Variants in HOOK3 observed in about 807,000 individuals in gnomAD.
HOOK3 encodes the protein protein Hook homolog 3.
In HOOK3, 24 loss-of-function variants were observed where a neutral mutation model predicts 116.3. The observed-to-expected ratio is 0.21, with a 90% CI of 0.15 to 0.29. The LOEUF (loss-of-function observed/expected upper bound fraction) is 0.29, where lower values mean the gene tolerates loss of function less well. Among genes scored for constraint, HOOK3 ranks in the 10% least tolerant of loss-of-function variants. The pLI is 1.00. For missense variants in HOOK3, 632 were observed against 830.2 expected (o/e 0.76, Z 2.93); for synonymous variants, 275 against 283.0 (o/e 0.97, Z 0.28).
At chr8:42,946,152 G>T (rs1463121038) in intron 5 of HOOK3, among the ~76,000 whole-genome samples, 1 of 152,154 alleles carries the variant, frequency 6.6e-6, no homozygotes, top group Non-Finnish European at 1.5e-5. Context: ...GGAACACAGT[G>T]TTAGAACAGA....
At chr8:43,003,805 C>G (rs1419986000) in intron 17 of HOOK3, among the ~76,000 whole-genome samples, 1 of 152,176 alleles carries the variant, frequency 6.6e-6, no homozygotes, top group Non-Finnish European at 1.5e-5. Flanking sequence ...ACTCCAGTCT[C>G]TTTCTCCACC....
chr8:43,013,149 A>G lies in HOOK3; in HGVS notation c.1938A>G (p.Ser646=). 1.3e-6 allele frequency: 2 copies of G among 1,599,072 alleles called. No homozygotes were observed. Among genetic ancestry groups the G allele is most frequent in the African/African-American group, 2.7e-5 (2 of 74,662 alleles). The change falls in exon 20 of 22, where the codon TCA becomes TCG. Residue 646 remains serine (S), a synonymous_variant. Coordinates refer to ENST00000307602, the MANE Select transcript of HOOK3 (RefSeq NM_032410.4). ...AGGAACGAGACCGACTGTTCCACTC[A>G]TTAGAGGTAGTTTACTATACTGTAC... is the stretch of plus-strand genomic sequence containing the variant. ...QLQERDRLFH[S]LEKEYEKTKS... is the part of the protein sequence containing the mutation.
intron 13 of HOOK3, among the ~76,000 whole-genome samples, 175 bp from the exon 14 acceptor site, chr8:42,982,452 A>G (rs1201629289): frequency 2.6e-5 from 4 of 151,178 alleles, no homozygotes; most frequent in Non-Finnish European, 5.9e-5. Context: ...ACACTTAAAA[A>G]TGCTTAAAAT....
rs907127496 is a variant in HOOK3 at position 42,943,374 on chromosome 8, C to G, written c.329C>G (p.Ser110Cys). 2 of 1,568,702 alleles carry G rather than the reference C, an allele frequency of 1.3e-6. No homozygotes were observed. Among genetic ancestry groups the G allele is most frequent in the African/African-American group, 2.7e-5 (2 of 73,818 alleles). ...GATGTGAACCTTATTGGGGAGCATT[C>G]TGATGCAGCAGAGCTTGGAAGGATG... ...LPDVNLIGEH[S>C]DAAELGRMLQ... The change falls in exon 5 of 22, where the codon TCT becomes TGT. Residue 110 changes from serine to cysteine, a missense_variant. Physicochemically the swap from Ser to Cys is moderately radical, Grantham distance 112 (BLOSUM62 -1). Transcript: ENST00000307602.
rs533767955 is a variant in HOOK3, at chr8:42,919,026, G to C, written c.144-6531G>C. 1.9e-4 allele frequency among the ~76,000 whole-genome samples: 28 copies of C among 149,486 alleles called. No individual in the cohort carries two copies. In the South Asian group the frequency reaches 6.0e-3, roughly 32 times the overall value. On this transcript the variant is annotated intron_variant, in intron 2 of 21. Transcript: ENST00000307602. ...GAGGCGCCCCCCACCTCCTGGATGGGGTGGCTGGCCGGGCGGGGGCTGCCC... is the reference window on the plus strand; with the variant it reads ...GAGGCGCCCCCCACCTCCTGGATGGCGTGGCTGGCCGGGCGGGGGCTGCCC...
intron 3 of HOOK3, 59 bp downstream of exon 3, chr8:42,925,688 GA>G (rs1807751914): frequency 1.7e-6 from 2 of 1,165,316 alleles, no homozygotes; most frequent in South Asian, 1.4e-5. Flanking sequence ...AATATCTGTT[GA>G]TTTTTTTTTG....
At chr8:42,974,757 G>T (rs1270413995) in intron 13 of HOOK3, among the ~76,000 whole-genome samples, 1 of 152,106 alleles carries the variant, frequency 6.6e-6, no homozygotes, top group South Asian at 2.1e-4. Flanking sequence ...AGATGAATGC[G>T]CAAAAAGGGG....
At chr8:42,924,451 A>G (rs1022276372) in intron 2 of HOOK3, among the ~76,000 whole-genome samples, 1 of 152,048 alleles carries the variant, frequency 6.6e-6, no homozygotes, top group Non-Finnish European at 1.5e-5. Flanking sequence ...GTTTGTCCAC[A>G]CCAGTGTTTT....
At chr8:42,978,359 T>A (rs960539455) in intron 13 of HOOK3, among the ~76,000 whole-genome samples, 2 of 151,846 alleles carry the variant, frequency 1.3e-5, no homozygotes, top group Non-Finnish European at 2.9e-5. Context: ...TTCTCTTGCC[T>A]CAGCCTCCTG....
At chr8:43,017,512 C>T (rs1809746501) in intron 21 of HOOK3, among the ~76,000 whole-genome samples, 1 of 152,108 alleles carries the variant, frequency 6.6e-6, no homozygotes, top group South Asian at 2.1e-4. Context: ...GTGATCTTCC[C>T]ACCTTAGCCT....
intron 21 of HOOK3, among the ~76,000 whole-genome samples, chr8:43,016,737 A>T (rs1374126195): frequency 4.6e-5 from 7 of 152,272 alleles, no homozygotes; most frequent in African/African-American, 1.7e-4. Flanking sequence ...TAAGTTAAAG[A>T]TTACCAATAA....
At chr8:42,966,756 G>A in intron 10 of HOOK3, 143 bp downstream of exon 10, 1 of 739,358 alleles carries the variant, frequency 1.4e-6, no homozygotes, top group Non-Finnish European at 2.2e-6. Context: ...CTGTATGGCT[G>A]TTTTCTCATC....
At position 42,975,028 on chromosome 8, in the gene HOOK3, C is replaced by T. The variant is rs146041137; in HGVS notation, c.1321+834C>T. Among the ~76,000 whole-genome samples the T allele has an allele frequency of 2.0e-4, 30 of 152,188 alleles. No individual in the cohort carries two copies. In the East Asian group the frequency reaches 3.7e-3, roughly 19 times the overall value. On this transcript the variant is annotated intron_variant, in intron 13 of 21. Transcript: ENST00000307602. Reference sequence around the variant, plus strand: ...AGAGGATATGAACTCCCCTCCTTGGCGTAGCGACGGGAAGGGGTGGCTCTG... The same window carrying T: ...AGAGGATATGAACTCCCCTCCTTGGTGTAGCGACGGGAAGGGGTGGCTCTG...
chr8:42,975,625 C>G (rs2692078), intron 13 of HOOK3, among the ~76,000 whole-genome samples: 1 of 152,164 alleles, frequency 6.6e-6, no homozygotes, highest in Admixed American at 6.5e-5. Context: ...CTCCAGCTAT[C>G]GAATTAGATG....
At chr8:42,966,111 A>G (rs1318038958) in intron 9 of HOOK3, among the ~76,000 whole-genome samples, 1 of 152,164 alleles carries the variant, frequency 6.6e-6, no homozygotes, top group Non-Finnish European at 1.5e-5. Flanking sequence ...TTTCATAAAG[A>G]GTATGTTGTT....
chr8:42,982,614 T>G lies in HOOK3; in HGVS notation c.1322-13T>G, dbSNP rs201346594. 3.2e-6 allele frequency: 5 copies of G among 1,579,374 alleles called. No homozygotes were observed. In the South Asian group the frequency reaches 5.5e-5, roughly 17 times the overall value. ...TTTCCATTAGCCTTATATTTATGTT[T>G]GTATATTTACAGGGTTAATGCCTCT... is the stretch of plus-strand genomic sequence containing the variant. On this transcript the variant is annotated splice_polypyrimidine_tract_variant and intron_variant, in intron 13 of 21. Transcript: ENST00000307602.
At chr8:43,003,696 CT>C (rs1442064357) in intron 17 of HOOK3, among the ~76,000 whole-genome samples, 2 of 152,190 alleles carry the variant, frequency 1.3e-5, no homozygotes, top group Non-Finnish European at 2.9e-5. Context: ...TGGCAGCAGG[CT>C]GGTTCCTTCT....
chr8:42,978,481 G>A (rs563485796), intron 13 of HOOK3, among the ~76,000 whole-genome samples: 1 of 150,890 alleles, frequency 6.6e-6, no homozygotes, highest in Admixed American at 6.7e-5. Flanking sequence ...CGCTATCTAA[G>A]CTCAGTGTAA....
chr8:42,970,635 T>C (rs558621978), intron 11 of HOOK3, among the ~76,000 whole-genome samples: 3 of 152,296 alleles, frequency 2.0e-5, no homozygotes, highest in African/African-American at 7.2e-5. Context: ...ATAGATTCCA[T>C]TTTCACTTTA....
Sources: gnomAD v4.1 joint callset for allele counts (sites outside exome capture counted in the v4.1 genomes callset) on GRCh38, gnomAD v4.1.1 for gene constraint, MANE v1.5 for transcripts, NCBI Gene and HGNC (gene_info 2026-07-23, HGNC 2026-07-21) for gene names.